Variants in OR1J2 observed in about 807,000 individuals in gnomAD.
OR1J2 encodes the protein olfactory receptor family 1 subfamily J member 2.
For synonymous variants in OR1J2, 142 were observed against 99.7 expected (o/e 1.42, Z -2.52); for missense variants, 304 against 246.1 (o/e 1.24, Z -1.57).
the OR1J2 span, among the ~76,000 whole-genome samples, chr9:122,504,237 C>T: frequency 3.3e-5 from 5 of 152,302 alleles, no homozygotes; most frequent in East Asian, 1.9e-4. Context: ...CCAGTAGCTC[C>T]GTAGCAGTTC....
At chr9:122,533,333 G>A in the OR1J2 span, among the ~76,000 whole-genome samples, 392 of 152,286 alleles carry the variant, frequency 2.6e-3, 6 homozygotes, top group Admixed American at 0.02. Flanking sequence ...TGTAACAGGC[G>A]AATGATAACA....
the OR1J2 span, among the ~76,000 whole-genome samples, chr9:122,517,669 T>C: frequency 1.3e-5 from 2 of 152,184 alleles, no homozygotes; most frequent in Non-Finnish European, 2.9e-5. Flanking sequence ...TCATTCCTAC[T>C]GGCCTTGCAG....
At chr9:122,564,142 G>A in the OR1J2 span, among the ~76,000 whole-genome samples, 41,430 of 151,970 alleles carry the variant, frequency 0.27, 5,812 homozygotes, top group Middle Eastern at 0.35. Flanking sequence ...GTTGATTCCA[G>A]GAGACACGAA....
At chr9:122,528,638 C>G in the OR1J2 span, among the ~76,000 whole-genome samples, 1 of 152,046 alleles carries the variant, frequency 6.6e-6, no homozygotes. Context: ...TAATCCCTAC[C>G]TCAGACCTGT....
chr9:122,568,090 G>A, the OR1J2 span: 9 of 1,613,924 alleles, frequency 5.6e-6, no homozygotes, highest in South Asian at 9.9e-5. Context: ...TAGTGGAAAG[G>A]GTCACAGACG....
chr9:122,469,939 G>T, the OR1J2 span, among the ~76,000 whole-genome samples: 1 of 152,184 alleles, frequency 6.6e-6, no homozygotes, highest in Non-Finnish European at 1.5e-5. Flanking sequence ...GCACTCAAGA[G>T]GTGACTGGGG....
the OR1J2 span, among the ~76,000 whole-genome samples, chr9:122,555,265 C>T: frequency 2.6e-5 from 4 of 152,200 alleles, no homozygotes; most frequent in South Asian, 8.3e-4. Flanking sequence ...ATAAATATTG[C>T]TTAAGGATCT....
At chr9:122,488,826 C>CTTT in the OR1J2 span, among the ~76,000 whole-genome samples, 4 of 151,698 alleles carry the variant, frequency 2.6e-5, no homozygotes, top group African/African-American at 9.7e-5. Context: ...TTTTGTGAGG[C>CTTT]ACTGTAAGTA....
chr9:122,551,090 CAGT>C, the OR1J2 span, among the ~76,000 whole-genome samples: 3 of 152,136 alleles, frequency 2.0e-5, no homozygotes, highest in African/African-American at 7.2e-5. Flanking sequence ...GTACAAAAAT[CAGT>C]AGCATTTCTA....
the OR1J2 span, among the ~76,000 whole-genome samples, chr9:122,456,751 G>A: frequency 6.6e-6 from 1 of 152,136 alleles, no homozygotes; most frequent in Non-Finnish European, 1.5e-5. Context: ...TGGAGAAATA[G>A]GAACACTTTA....
chr9:122,530,617 C>A, the OR1J2 span, among the ~76,000 whole-genome samples: 1 of 152,162 alleles, frequency 6.6e-6, no homozygotes, highest in South Asian at 2.1e-4. Flanking sequence ...TCATGCACGT[C>A]TGTGTGAAGA....
At chr9:122,492,969 T>C in the OR1J2 span, among the ~76,000 whole-genome samples, 1 of 152,188 alleles carries the variant, frequency 6.6e-6, no homozygotes, top group Non-Finnish European at 1.5e-5. Flanking sequence ...GAGATCATCA[T>C]GTGAGTTTTG....
chr9:122,554,215 A>G, the OR1J2 span: 1 of 1,373,098 alleles, frequency 7.3e-7, no homozygotes, highest in Non-Finnish European at 1.0e-6. Context: ...CCTGTCTTCC[A>G]TCACTTCAGT....
the OR1J2 span, among the ~76,000 whole-genome samples, chr9:122,465,337 A>G: frequency 2.0e-5 from 3 of 152,220 alleles, no homozygotes; most frequent in Non-Finnish European, 2.9e-5. Flanking sequence ...ATTCCCTGAC[A>G]GGGCTCTGCT....
At chr9:122,568,305 G>T in the OR1J2 span, 4 of 1,614,110 alleles carry the variant, frequency 2.5e-6, no homozygotes, top group South Asian at 3.3e-5. Context: ...ATACATAGGG[G>T]TCTGAAGATG....
the OR1J2 span, among the ~76,000 whole-genome samples, chr9:122,579,675 A>C: frequency 6.6e-6 from 1 of 152,242 alleles, no homozygotes; most frequent in Non-Finnish European, 1.5e-5. Context: ...ATACATAAGC[A>C]TAAGGGGTAT....
At chr9:122,575,903 C>G in the OR1J2 span, among the ~76,000 whole-genome samples, 3 of 152,168 alleles carry the variant, frequency 2.0e-5, no homozygotes, top group African/African-American at 7.2e-5. Context: ...TGTCCCTCCC[C>G]CTACCTGTAG....
At chr9:122,561,306 T>G in the OR1J2 span, among the ~76,000 whole-genome samples, 1 of 152,170 alleles carries the variant, frequency 6.6e-6, no homozygotes. Context: ...TCAGCAGAGT[T>G]TGTTATTACC....
At chr9:122,535,038 C>T in the OR1J2 span, among the ~76,000 whole-genome samples, 1 of 151,554 alleles carries the variant, frequency 6.6e-6, no homozygotes, top group Admixed American at 6.6e-5. Context: ...AGAACACAGG[C>T]TAAGGGAGAA....
Sources: gnomAD v4.1 joint callset for allele counts (sites outside exome capture counted in the v4.1 genomes callset) on GRCh38, gnomAD v4.1.1 for gene constraint, MANE v1.5 for transcripts, NCBI Gene and HGNC (gene_info 2026-07-23, HGNC 2026-07-21) for gene names.